Variants in OTOR observed in about 807,000 individuals in gnomAD.
The protein encoded by OTOR is otoraplin, also known as fibrocyte-derived protein.
Under a neutral mutation model 15.9 loss-of-function variants are expected in OTOR, and 20 were observed. The ratio of observed to expected loss-of-function variants is 1.26; its 90% CI spans 0.89 to 1.83. The LOEUF is 1.83. Among genes scored for constraint, OTOR ranks in the 40% most tolerant of loss-of-function variants. OTOR has a pLI of 0.00. For synonymous variants in OTOR, 53 were observed against 54.2 expected, an observed-to-expected ratio of 0.98 and a Z score of 0.09; for missense variants, 184 against 159.0, an observed-to-expected ratio of 1.16 and a Z score of -0.85.
In OTOR at chr20:16,752,125, C is replaced by A. The variant is rs1166411568; in HGVS notation, c.*1007C>A. On this transcript the variant is annotated 3_prime_UTR_variant, in exon 4 of 4. Transcript: ENST00000246081. The stretch of plus-strand genomic sequence containing the variant: ...TCTTTTGATGTAGTCATGAGTTTTT[C>A]TTTGTTTGCATATAATTAAAATGCC... The A allele has an allele frequency of 6.6e-6, 1 of 152,108 alleles. No individual in the cohort carries two copies. The highest frequency in any genetic ancestry group is 1.5e-5 in the Non-Finnish European group (1 of 68,008). The allele number at this position is 152,108 out of a possible 1,614,324, so 9.4% of individuals were successfully genotyped here.
intron 2 of OTOR, chr20:16,749,675 A>C (rs557504544): frequency 4.1e-6 from 2 of 490,114 alleles, no homozygotes; most frequent in South Asian, 3.7e-5. Flanking sequence ...AGTCATGCTA[A>C]AGTAGCGAAA....
rs933740478 is a variant in OTOR at position 16,750,952 on chromosome 20, T to A, written c.364-143T>A. 29 of 662,722 alleles carry A rather than the reference T, an allele frequency of 4.4e-5. No homozygotes were observed. In the African/African-American group the frequency reaches 5.1e-4, roughly 12 times the overall value. 41.1% of individuals were successfully genotyped at this position (662,722 alleles called of 1,614,324 possible). On this transcript the variant is annotated intron_variant, in intron 3 of 3. Coordinates refer to ENST00000246081, the MANE Select transcript of OTOR (RefSeq NM_020157.4). ...AGTTTTTGACTTAAAGTGGTAAATATTTCATATTTTTTGGGGGTCAACCTT... is the reference window on the plus strand; with the variant it reads ...AGTTTTTGACTTAAAGTGGTAAATAATTCATATTTTTTGGGGGTCAACCTT...
At position 16,751,774 on chromosome 20, in the gene OTOR, C is replaced by CA. The variant is rs2072530341; in HGVS notation, c.*658dup. ...CTAAATGATCAATTTACTTCTCCCC[C>CA]AATTTTAAAGAAGTATGTGTATATT... On this transcript the variant is annotated 3_prime_UTR_variant, in exon 4 of 4. Coordinates refer to ENST00000246081, the MANE Select transcript of OTOR (RefSeq NM_020157.4). The CA allele has an allele frequency of 6.6e-6, 1 of 151,966 alleles. No homozygotes were observed. Among genetic ancestry groups the CA allele is most frequent in the Admixed American group, 6.6e-5 (1 of 15,256 alleles). 9.4% of individuals were successfully genotyped at this position (151,966 alleles called of 1,614,324 possible). A position where few individuals can be genotyped will look rare whatever the true frequency, so the allele number is the denominator to read the frequency against.
At position 16,751,254 on chromosome 20, in the gene OTOR, G is replaced by A; in HGVS notation, c.*136G>A. ...TACCTTACAGAAGAGCAAGGGCTTAGGGGTTGGAGGTGGCAGATAAAAGAG... is the reference window on the plus strand; with the variant it reads ...TACCTTACAGAAGAGCAAGGGCTTAAGGGTTGGAGGTGGCAGATAAAAGAG... On this transcript the variant is annotated 3_prime_UTR_variant, in exon 4 of 4. Coordinates refer to ENST00000246081, the MANE Select transcript of OTOR (RefSeq NM_020157.4). 1 of 616,554 alleles carries A rather than the reference G, an allele frequency of 1.6e-6. No homozygotes were observed. Among genetic ancestry groups the A allele is most frequent in the Admixed American group, 3.7e-5 (1 of 27,158 alleles). The allele number at this position is 616,554 out of a possible 1,614,324, so 38.2% of individuals were successfully genotyped here. A position where few individuals can be genotyped will look rare whatever the true frequency, so the allele number is the denominator to read the frequency against.
In OTOR at chr20:16,749,885, A is replaced by C. The variant is rs200683337; in HGVS notation, c.256-18A>C. 9.6e-5 allele frequency: 149 copies of C among 1,548,966 alleles called. No individual in the cohort carries two copies. The highest frequency in any genetic ancestry group is 1.3e-4 in the Non-Finnish European group (142 of 1,121,206). On this transcript the variant is annotated intron_variant, in intron 2 of 3. Transcript: ENST00000246081. ...CAGCATCAGCTTTTTCCTGATTGCT[A>C]TTCTTCTGGGCACTTAGGTTTATGG...
rs756618856 is a variant in OTOR at position 16,748,475 on chromosome 20, G to A, written c.74G>A (p.Arg25His). ...GCTGTGCATGGAATATTTATGGACC[G>A]TCTAGCTTCCAAGAAGCTCTGTGCA... The part of the protein sequence containing the change: ...VCAVHGIFMD[R>H]LASKKLCADD... The change falls in exon 1 of 4, where the codon CGT becomes CAT. Residue 25 changes from arginine to histidine, a missense_variant. Arg to His is a conservative substitution (Grantham distance 29). Coordinates refer to ENST00000246081, the MANE Select transcript of OTOR (RefSeq NM_020157.4). 5 of 1,613,240 alleles carry A rather than the reference G, an allele frequency of 3.1e-6. 1 individual carries two copies. The South Asian group carries it at 3.3e-5, about 11-fold the overall frequency.
chr20:16,749,185 G>T (rs1166256738), intron 2 of OTOR, among the ~76,000 whole-genome samples, 179 bp downstream of exon 2: 1 of 152,124 alleles, frequency 6.6e-6, no homozygotes, highest in African/African-American at 2.4e-5. Context: ...GATCAATTTC[G>T]TAACAAAACC....
At chr20:16,749,054 C>T (rs1203393934) in intron 2 of OTOR, 48 bp downstream of exon 2, 2 of 1,358,068 alleles carry the variant, frequency 1.5e-6, no homozygotes. Flanking sequence ...TTAACCTTTC[C>T]TTGATTACCT....
intron 2 of OTOR, 87 bp downstream of exon 2, chr20:16,749,093 T>C: frequency 1.1e-6 from 1 of 948,728 alleles, no homozygotes; most frequent in East Asian, 2.8e-5. Flanking sequence ...TGCTTAATAC[T>C]AGTTGTTAAG....
In OTOR at chr20:16,750,009, C is replaced by G. The variant is rs577337397; in HGVS notation, c.362C>G (p.Thr121Arg). The G allele has an allele frequency of 3.8e-6, 6 of 1,595,090 alleles. No homozygotes were observed. The highest frequency in any genetic ancestry group is 4.3e-6 in the Non-Finnish European group (5 of 1,163,254). ...YQEATKEVPT[T>R]DIDFFCE ...GAAGCTACCAAGGAAGTTCCCACCA[C>G]GGTAAGCATCTCAAAAGTGACTAGA... is the stretch of plus-strand genomic sequence containing the variant. The change falls in exon 3 of 4, where the codon ACG (threonine) becomes AGG (arginine). Residue 121 changes from threonine to arginine, a missense_variant and splice_region_variant. Thr to Arg is a moderately conservative substitution (Grantham distance 71, BLOSUM62 -1). Coordinates refer to ENST00000246081, the MANE Select transcript of OTOR (RefSeq NM_020157.4).
intron 3 of OTOR, 139 bp downstream of exon 3, chr20:16,750,149 G>A: frequency 1.7e-6 from 1 of 578,878 alleles, no homozygotes; most frequent in Non-Finnish European, 3.1e-6. Flanking sequence ...GAGATAATGA[G>A]GTTTGGGGGA....
chr20:16,749,694 G>C (rs1351999462), intron 2 of OTOR: 1 of 521,702 alleles, frequency 1.9e-6, no homozygotes, highest in Non-Finnish European at 3.4e-6. Context: ...AATAAGACTG[G>C]GCCACTAAAC....
rs2072528780 is a variant in OTOR, at chr20:16,751,472, C to CT, written c.*357dup. ...TTCTAAGTAGTAATTCTTCCCAGCT[C>CT]TTTGATTTGCCATATATAAAATAGG... On this transcript the variant is annotated 3_prime_UTR_variant, in exon 4 of 4. Coordinates refer to ENST00000246081, the MANE Select transcript of OTOR (RefSeq NM_020157.4). 4.9e-6 allele frequency: 1 copy of CT among 202,266 alleles called. No homozygotes were observed. Among genetic ancestry groups the CT allele is most frequent in the East Asian group, 1.2e-4 (1 of 8,146 alleles). 12.5% of individuals were successfully genotyped at this position (202,266 alleles called of 1,614,324 possible).
At chr20:16,748,786 G>GT in intron 1 of OTOR, 81 bp from the exon 2 acceptor site, 1 of 1,100,312 alleles carries the variant, frequency 9.1e-7, no homozygotes, top group Admixed American at 3.1e-5. Flanking sequence ...TGATTTTCTA[G>GT]TTTTTCTAAT....
At position 16,751,357 on chromosome 20, in the gene OTOR, G is replaced by A; in HGVS notation, c.*239G>A. 1 of 475,744 alleles carries A rather than the reference G, an allele frequency of 2.1e-6. No homozygotes were observed. 29.5% of individuals were successfully genotyped at this position (475,744 alleles called of 1,614,324 possible). A position where few individuals can be genotyped will look rare whatever the true frequency, so the allele number is the denominator to read the frequency against. ...AGCGGGGAAATGTTGAGCTCAAATG[G>A]GTAAATTGAGACCAGAAAATTATTT... is the stretch of plus-strand genomic sequence containing the variant. On this transcript the variant is annotated 3_prime_UTR_variant, in exon 4 of 4. Transcript: ENST00000246081.
Position 16,751,209 on chromosome 20 carries a change from C to A in OTOR, c.*91C>A. 1.1e-6 allele frequency: 1 copy of A among 895,946 alleles called. No individual in the cohort carries two copies. The highest frequency in any genetic ancestry group is 1.7e-6 in the Non-Finnish European group (1 of 585,168). 55.5% of individuals were successfully genotyped at this position (895,946 alleles called of 1,614,324 possible). On this transcript the variant is annotated 3_prime_UTR_variant, in exon 4 of 4. Coordinates refer to ENST00000246081, the MANE Select transcript of OTOR (RefSeq NM_020157.4). ...AAAAATGCATGTCTGTAATTTTGGA[C>A]TGACGTTTTAAGAATTTGTTACCTT...
rs536191100 is a variant in OTOR, at chr20:16,749,216, T to C, written c.255+210T>C. ...AAACCAAATGTAGGTTAATGTGATA[T>C]TTTGGTAAAAAAAGAGTCAAATACA... On this transcript the variant is annotated intron_variant, in intron 2 of 3. Transcript: ENST00000246081. 4.7e-5 allele frequency: 18 copies of C among 385,096 alleles called. No homozygotes were observed. In the South Asian group the frequency reaches 1.5e-3, roughly 31 times the overall value. 23.9% of individuals were successfully genotyped at this position (385,096 alleles called of 1,614,324 possible).
Position 16,748,854 on chromosome 20 carries a change from T to G in OTOR, c.116-13T>G. 1.9e-6 allele frequency: 3 copies of G among 1,556,326 alleles called. No individual in the cohort carries two copies. The highest frequency in any genetic ancestry group is 2.6e-6 in the Non-Finnish European group (3 of 1,159,018). On this transcript the variant is annotated splice_polypyrimidine_tract_variant and intron_variant, in intron 1 of 3. Coordinates refer to ENST00000246081, the MANE Select transcript of OTOR (RefSeq NM_020157.4). ...AGCCTAAAATGTAATCATTTAAATT[T>G]TTTTTCTTCCAGATACTATTTCTCT...
At chr20:16,750,093 C>T in intron 3 of OTOR, 83 bp downstream of exon 3, 1 of 893,874 alleles carries the variant, frequency 1.1e-6, no homozygotes, top group Non-Finnish European at 1.8e-6. Flanking sequence ...ATGCAACTTA[C>T]AAGTTGTATA....
Sources: allele counts gnomAD v4.1 joint callset (sites outside exome capture counted in the v4.1 genomes callset), GRCh38; gene constraint gnomAD v4.1.1; transcripts MANE v1.5; gene names NCBI Gene and HGNC (gene_info 2026-07-23, HGNC 2026-07-21).